FRMD4A: variants seen among roughly 807,000 people sequenced by gnomAD.
The protein encoded by FRMD4A is FERM domain containing 4A.
In FRMD4A, 29 loss-of-function variants were observed where a neutral mutation model predicts 129.1. The observed-to-expected ratio is 0.22, with a 90% CI of 0.17 to 0.31. The LOEUF is 0.31. Ranked by LOEUF, FRMD4A falls within the 10% of genes least tolerant of loss-of-function variation. FRMD4A has a pLI of 1.00. For missense variants in FRMD4A, 1,272 were observed against 1,375.8 expected (o/e 0.92, Z 1.19); for synonymous variants, 634 against 571.6 (o/e 1.11, Z -1.56).
intron 12 of FRMD4A, among the ~76,000 whole-genome samples, chr10:13,730,566 A>G (rs2090249784): frequency 6.6e-6 from 1 of 152,084 alleles, no homozygotes; most frequent in South Asian, 2.1e-4. Flanking sequence ...CCAACCTGAC[A>G]CTGTCTCATT....
intron 2 of FRMD4A, among the ~76,000 whole-genome samples, chr10:13,941,703 C>A (rs991791703): frequency 1.3e-5 from 2 of 152,176 alleles, no homozygotes; most frequent in East Asian, 3.8e-4. Flanking sequence ...GTACACCTAT[C>A]ATTTCAACAG....
chr10:14,306,171 T>C (rs1399788797), intron 2 of FRMD4A, among the ~76,000 whole-genome samples: 1 of 152,254 alleles, frequency 6.6e-6, no homozygotes, highest in East Asian at 1.9e-4. Flanking sequence ...GGGAAATCTT[T>C]TTTAAAAAAG....
chr10:13,874,400 A>G (rs1281344699), intron 2 of FRMD4A, among the ~76,000 whole-genome samples: 1 of 152,146 alleles, frequency 6.6e-6, no homozygotes, highest in Non-Finnish European at 1.5e-5. Flanking sequence ...TAAATTTTAA[A>G]ACCAGGTAGA....
chr10:13,669,367 G>T (rs115669971), intron 17 of FRMD4A, among the ~76,000 whole-genome samples: 2,768 of 152,222 alleles, frequency 0.018, 69 homozygotes, highest in African/African-American at 0.051. Flanking sequence ...ACCACGCCCG[G>T]CCACATGAGC....
intron 2 of FRMD4A, among the ~76,000 whole-genome samples, chr10:14,049,601 G>A (rs528368026): frequency 1.3e-5 from 2 of 152,286 alleles, no homozygotes; most frequent in South Asian, 4.2e-4. Context: ...TTTCAGAGTT[G>A]AGTCTTACTG....
chr10:14,185,417 G>A (rs4750480), intron 2 of FRMD4A, among the ~76,000 whole-genome samples: 4 of 152,072 alleles, frequency 2.6e-5, no homozygotes, highest in Non-Finnish European at 5.9e-5. Flanking sequence ...CACCCTAAGC[G>A]TAAGGAGAGC....
At chr10:13,954,823 G>T (rs570611734) in intron 2 of FRMD4A, among the ~76,000 whole-genome samples, 15 of 152,312 alleles carry the variant, frequency 9.8e-5, no homozygotes, top group African/African-American at 3.6e-4. Context: ...CAGAGTGCTG[G>T]TGTTTGGTGC....
At chr10:13,830,947 G>A (rs955926563) in intron 3 of FRMD4A, among the ~76,000 whole-genome samples, 1 of 152,108 alleles carries the variant, frequency 6.6e-6, no homozygotes, top group Non-Finnish European at 1.5e-5. Flanking sequence ...CCACCACCAG[G>A]CCTGGCTAAT....
chr10:13,725,458 C>T (rs117772742), intron 12 of FRMD4A, among the ~76,000 whole-genome samples: 1,529 of 152,350 alleles, frequency 0.01, 13 homozygotes, highest in Non-Finnish European at 0.017. Flanking sequence ...TTACATTCCT[C>T]CCCTCCTGTG....
At chr10:13,874,210 C>T in intron 2 of FRMD4A, among the ~76,000 whole-genome samples, 1 of 133,098 alleles carries the variant, frequency 7.5e-6, no homozygotes, top group South Asian at 2.4e-4. Context: ...TGCACGACTG[C>T]ACTCCAGCCT....
intron 2 of FRMD4A, among the ~76,000 whole-genome samples, chr10:13,950,977 G>T (rs2131334014): frequency 6.6e-6 from 1 of 152,326 alleles, no homozygotes; most frequent in East Asian, 1.9e-4. Flanking sequence ...TAGAGAGAGA[G>T]AAAAGGACAA....
chr10:14,306,015 C>T (rs1846338987), intron 2 of FRMD4A, among the ~76,000 whole-genome samples: 1 of 152,110 alleles, frequency 6.6e-6, no homozygotes, highest in Admixed American at 6.6e-5. Context: ...GGAAGAATAG[C>T]TCATGGATGC....
At chr10:13,945,568 G>A (rs1373205985) in intron 2 of FRMD4A, among the ~76,000 whole-genome samples, 2 of 152,082 alleles carry the variant, frequency 1.3e-5, no homozygotes, top group Admixed American at 1.3e-4. Context: ...TAGTCGTAAA[G>A]TTTCAGATGT....
At chr10:13,890,143 T>G (rs986858405) in intron 2 of FRMD4A, among the ~76,000 whole-genome samples, 1 of 152,242 alleles carries the variant, frequency 6.6e-6, no homozygotes, top group Non-Finnish European at 1.5e-5. Flanking sequence ...TTTGGTCTTC[T>G]GGCCCTGTCC....
chr10:14,040,967 G>A (rs1216914669), intron 2 of FRMD4A, among the ~76,000 whole-genome samples: 1 of 152,190 alleles, frequency 6.6e-6, no homozygotes, highest in Non-Finnish European at 1.5e-5. Context: ...AGGCTGCAAA[G>A]TAGCAAGTGC....
intron 3 of FRMD4A, among the ~76,000 whole-genome samples, chr10:13,832,463 G>A (rs181903579): frequency 4.6e-5 from 7 of 152,288 alleles, no homozygotes; most frequent in Admixed American, 2.0e-4. Flanking sequence ...TAGAATCAGC[G>A]GGGCAGTTTA....
intron 2 of FRMD4A, among the ~76,000 whole-genome samples, chr10:14,264,437 A>G (rs1401281179): frequency 6.6e-6 from 1 of 152,216 alleles, no homozygotes; most frequent in Non-Finnish European, 1.5e-5. Context: ...CTGTTTTATA[A>G]ATGAGGTATT....
intron 2 of FRMD4A, among the ~76,000 whole-genome samples, chr10:13,954,847 A>G (rs770233740): frequency 2.6e-5 from 4 of 152,170 alleles, no homozygotes; most frequent in Non-Finnish European, 5.9e-5. Context: ...GTCTTCTCTC[A>G]AACCCCTCTC....
intron 16 of FRMD4A, among the ~76,000 whole-genome samples, chr10:13,672,770 T>C (rs961383181): frequency 1.3e-5 from 2 of 152,094 alleles, no homozygotes; most frequent in Non-Finnish European, 2.9e-5. Context: ...CTTGATACTC[T>C]GAGCTGAGGG....
Sources: gnomAD v4.1 joint callset for allele counts (sites outside exome capture counted in the v4.1 genomes callset) on GRCh38, gnomAD v4.1.1 for gene constraint, MANE v1.5 for transcripts, NCBI Gene and HGNC (gene_info 2026-07-23, HGNC 2026-07-21) for gene names.